PSG4: variants seen among roughly 807,000 people sequenced by gnomAD.
The protein encoded by PSG4 is pregnancy specific beta-1-glycoprotein 4, also known as pregnancy-specific beta-1-glycoprotein 4.
In PSG4, 61 loss-of-function variants were observed where a neutral mutation model predicts 44.3. The ratio of observed to expected loss-of-function variants is 1.38; its 90% CI spans 1.12 to 1.70. The LOEUF (loss-of-function observed/expected upper bound fraction) is 1.70. Among genes scored for constraint, PSG4 ranks in the 40% most tolerant of loss-of-function variants. The probability of loss-of-function intolerance (pLI) is 0.00; values close to 1 mark genes in which losing one functional copy is unlikely to be tolerated. For missense variants in PSG4, 677 were observed against 511.7 expected (o/e 1.32, Z -3.12); for synonymous variants, 248 against 191.3 (o/e 1.30, Z -2.45).
At position 43,199,719 on chromosome 19, in the gene PSG4, CA is replaced by C. The variant is rs981423110; in HGVS notation, c.431-1445del. On this transcript the variant is annotated intron_variant, in intron 2 of 5. Transcript: ENST00000405312. Reference sequence around the variant, plus strand: ...TCATGTTGTGTTCTGACTCTAGTAACAAAAAAAAATTTGGAGGAAACATTAA... The same window carrying C: ...TCATGTTGTGTTCTGACTCTAGTAACAAAAAAAATTTGGAGGAAACATTAA... 5.6e-5 allele frequency among the ~76,000 whole-genome samples: 8 copies of C among 143,440 alleles called. 1 individual carries two copies. The highest frequency in any genetic ancestry group is 1.6e-4 in the African/African-American group (6 of 37,300). The allele number at this position is 143,440 out of a possible 152,430, so 94.1% of individuals were successfully genotyped here.
rs1408577054 is a variant in PSG4 at position 43,195,106 on chromosome 19, T to C, written c.877A>G (p.Arg293Gly). 5 of 1,610,804 alleles carry C rather than the reference T, an allele frequency of 3.1e-6. No homozygotes were observed. Among genetic ancestry groups the C allele is most frequent in the Middle Eastern group, 4.1e-4 (2 of 4,860 alleles). Residue 293 changes from arginine to glycine, a missense_variant, in exon 4 of 6, where the codon AGG becomes GGG. Physicochemically the swap from Arg to Gly is moderately radical, Grantham distance 125 (BLOSUM62 -2). Coordinates refer to ENST00000405312, the MANE Select transcript of PSG4 (RefSeq NM_002780.5). Reference protein sequence around the residue: ...SPRVKRPIENRILILPNVTRN... With the variant: ...SPRVKRPIENGILILPNVTRN... ...GTGACATTGGGTAGAATGAGGATCCTGTTTTCAATGGGTCGCTTTACCCTG... is the reference window on the plus strand; with the variant it reads ...GTGACATTGGGTAGAATGAGGATCCCGTTTTCAATGGGTCGCTTTACCCTG...
chr19:43,194,865 T>C (rs1464176996), intron 4 of PSG4, 130 bp downstream of exon 4: 2 of 1,525,360 alleles, frequency 1.3e-6, no homozygotes, highest in South Asian at 1.3e-5. Context: ...GGGCAGGGAG[T>C]CATGGCCACC....
chr19:43,196,126 C>A (rs1967235300), intron 3 of PSG4, among the ~76,000 whole-genome samples: 1 of 151,678 alleles, frequency 6.6e-6, no homozygotes, highest in East Asian at 1.9e-4. Context: ...TGGGAATGAA[C>A]TGCTGGAAAT....
Position 43,195,659 on chromosome 19 carries a change from C to T in PSG4, c.710-386G>A, listed in dbSNP as rs544178755. ...CCCTTCCAAATTCCATCCTCCTTTG[C>T]CCCCCTAGATGAGATTTCTCTGCAG... On this transcript the variant is annotated intron_variant, in intron 3 of 5. Transcript: ENST00000405312. Among the ~76,000 whole-genome samples the T allele has an allele frequency of 1.2e-3, 175 of 151,488 alleles. 5 individuals carry two copies. The highest frequency in any genetic ancestry group is 2.8e-3 in the Admixed American group (43 of 15,152).
At chr19:43,193,960 G>T (rs1196276067) in intron 5 of PSG4, 2 of 792,256 alleles carry the variant, frequency 2.5e-6, no homozygotes, top group Non-Finnish European at 4.3e-6. Context: ...GTTCCCAGAA[G>T]TATAGTTTAT....
intron 3 of PSG4, 44 bp from the exon 4 acceptor site, chr19:43,195,317 G>A: frequency 6.3e-7 from 1 of 1,597,990 alleles, no homozygotes; most frequent in Non-Finnish European, 8.5e-7. Flanking sequence ...TGGCACCTTT[G>A]ATTCCTCCAC....
chr19:43,197,019 G>A (rs1163175553), intron 3 of PSG4, among the ~76,000 whole-genome samples: 1 of 146,422 alleles, frequency 6.8e-6, no homozygotes, highest in African/African-American at 2.6e-5. Flanking sequence ...TTTCAGCAAT[G>A]TTTTGTAGTT....
rs914185890 is a variant in PSG4, at chr19:43,203,670, T to C, written c.430+216A>G. On this transcript the variant is annotated intron_variant, in intron 2 of 5. Transcript: ENST00000405312. ...AGTCCCCCCATCAGACTGTCCTTCC[T>C]CTGCAGCGAGTGTCTGCAGGGTCTG... is the stretch of plus-strand genomic sequence containing the variant. The C allele has an allele frequency of 3.5e-6, 3 of 855,236 alleles. No individual in the cohort carries two copies. In the African/African-American group the frequency reaches 5.7e-5, roughly 16 times the overall value. 53.0% of individuals were successfully genotyped at this position (855,236 alleles called of 1,614,324 possible). A position where few individuals can be genotyped will look rare whatever the true frequency, so the allele number is the denominator to read the frequency against.
At chr19:43,194,226 T>G in intron 5 of PSG4, 114 bp downstream of exon 5, 1 of 1,589,120 alleles carries the variant, frequency 6.3e-7, no homozygotes, top group Non-Finnish European at 8.6e-7. Flanking sequence ...ATTTGGGATT[T>G]GCTTGTGCCC....
intron 1 of PSG4, chr19:43,204,549 C>T (rs1219746620): frequency 1.1e-5 from 4 of 360,784 alleles, no homozygotes; most frequent in South Asian, 3.9e-5. Context: ...AGGTCCTGCT[C>T]ACATCAGGGC....
chr19:43,195,455 A>G (rs886393554), intron 3 of PSG4, among the ~76,000 whole-genome samples, 182 bp from the exon 4 acceptor site: 3 of 151,476 alleles, frequency 2.0e-5, no homozygotes, highest in South Asian at 2.1e-4. Flanking sequence ...CTGTGAGGCC[A>G]CCTGCTCTGT....
Position 43,194,816 on chromosome 19 carries a change from A to G in PSG4, c.988+179T>C, listed in dbSNP as rs1370691677. On this transcript the variant is annotated intron_variant, in intron 4 of 5. Transcript: ENST00000405312. ...CATGACAAGAGCGTCCCCTCCCCTTATATTCTTGGTTAAGGCTGTGCCTAC... is the reference window on the plus strand; with the variant it reads ...CATGACAAGAGCGTCCCCTCCCCTTGTATTCTTGGTTAAGGCTGTGCCTAC... The G allele has an allele frequency of 3.5e-6, 5 of 1,438,966 alleles. No homozygotes were observed. In the African/African-American group the frequency reaches 4.3e-5, roughly 12 times the overall value. The allele number at this position is 1,438,966 out of a possible 1,614,324, so 89.1% of individuals were successfully genotyped here.
In PSG4 at chr19:43,200,909, A is replaced by T. The variant is rs1967480570; in HGVS notation, c.431-2634T>A. On this transcript the variant is annotated intron_variant, in intron 2 of 5. Transcript: ENST00000405312. ...TTAATGAGTTGTTGACTTTTTACTTAGTGTTAGAACGGAGTCACAAATTTT... is the reference window on the plus strand; with the variant it reads ...TTAATGAGTTGTTGACTTTTTACTTTGTGTTAGAACGGAGTCACAAATTTT... Among the ~76,000 whole-genome samples the T allele has an allele frequency of 1.4e-5, 2 of 146,114 alleles. 1 individual carries two copies. Among genetic ancestry groups the T allele is most frequent in the Non-Finnish European group, 3.0e-5 (2 of 67,262 alleles).
intron 4 of PSG4, 145 bp from the exon 5 acceptor site, chr19:43,194,739 C>A: frequency 1.4e-6 from 2 of 1,445,504 alleles, no homozygotes; most frequent in South Asian, 1.4e-5. Context: ...TGAGCCGAAG[C>A]CTGAGGTATT....
In PSG4 at chr19:43,193,076, C is replaced by T. The variant is rs1358437676; in HGVS notation, c.*296G>A. On this transcript the variant is annotated 3_prime_UTR_variant, in exon 6 of 6. Transcript: ENST00000405312. ...TGAAAGAGGCAGGCATGAGCAAGGA[C>T]GGTTAAGAGGGGTGGGAGCCTTATC... is the stretch of plus-strand genomic sequence containing the variant. 31 of 605,064 alleles carry T rather than the reference C, an allele frequency of 5.1e-5. No homozygotes were observed. The East Asian group carries it at 6.0e-4, about 12-fold the overall frequency. 37.5% of individuals were successfully genotyped at this position (605,064 alleles called of 1,614,324 possible).
rs185230319 is a variant in PSG4 at position 43,194,250 on chromosome 19, T to C, written c.1243+90A>G. 1.3e-4 allele frequency: 202 copies of C among 1,604,552 alleles called. 5 individuals carry two copies. The African/African-American group carries it at 1.9e-3, about 15-fold the overall frequency. ...TTGCTTGTGCCCATGGGACACAGGC[T>C]GGGAATAAAAATGTTTTCCTCACTC... On this transcript the variant is annotated intron_variant, in intron 5 of 5. Transcript: ENST00000405312.
Position 43,197,173 on chromosome 19 carries a change from A to G in PSG4, c.709+824T>C, listed in dbSNP as rs188237905. ...GTGTATAGTCTAAAGAATGACCTAG[A>G]AAGAGTGAAGGGGACAGGCAAAAGC... is the stretch of plus-strand genomic sequence containing the variant. On this transcript the variant is annotated intron_variant, in intron 3 of 5. Coordinates refer to ENST00000405312, the MANE Select transcript of PSG4 (RefSeq NM_002780.5). Among the ~76,000 whole-genome samples the G allele has an allele frequency of 4.3e-3, 632 of 145,710 alleles. 105 individuals are homozygous for G. Among genetic ancestry groups the G allele is most frequent in the African/African-American group, 0.016 (596 of 38,072 alleles).
intron 3 of PSG4, 90 bp from the exon 4 acceptor site, chr19:43,195,363 C>G (rs1377992419): frequency 2.6e-6 from 4 of 1,542,108 alleles, no homozygotes; most frequent in African/African-American, 2.7e-5. Context: ...TCTCCCACCT[C>G]TCAGCCCACC....
rs1233261312 is a variant in PSG4 at position 43,194,990 on chromosome 19, C to T, written c.988+5G>A. On this transcript the variant is annotated splice_donor_5th_base_variant and intron_variant, in intron 4 of 5. Coordinates refer to ENST00000405312, the MANE Select transcript of PSG4 (RefSeq NM_002780.5). ...CTGGCCCACAGAGGAACAAAAGATA[C>T]TCACAGAGGACATTCAGGGTGACTG... 2.2e-5 allele frequency: 36 copies of T among 1,610,228 alleles called. No homozygotes were observed. Among genetic ancestry groups the T allele is most frequent in the Non-Finnish European group, 3.1e-5 (36 of 1,177,876 alleles).
Sources: gnomAD v4.1 joint callset for allele counts (sites outside exome capture counted in the v4.1 genomes callset) on GRCh38, gnomAD v4.1.1 for gene constraint, MANE v1.5 for transcripts, NCBI Gene and HGNC (gene_info 2026-07-23, HGNC 2026-07-21) for gene names.